Variants in ITGA6 observed in about 807,000 individuals in gnomAD.
The protein encoded by ITGA6 is integrin subunit alpha 6.
In ITGA6, 63 loss-of-function variants were observed where a neutral mutation model predicts 133.6. The ratio of observed to expected loss-of-function variants is 0.47; its 90% CI spans 0.38 to 0.58. The LOEUF (loss-of-function observed/expected upper bound fraction) is 0.58, where lower values mean the gene tolerates loss of function less well. Ranked by LOEUF, ITGA6 falls within the 20% of genes least tolerant of loss-of-function variation. ITGA6 has a pLI of 0.00. For synonymous variants in ITGA6, 434 were observed against 482.0 expected, an observed-to-expected ratio of 0.90 and a Z score of 1.30; for missense variants, 1,068 against 1,309.4, an observed-to-expected ratio of 0.82 and a Z score of 2.85.
rs138443149 is a variant in ITGA6 at position 172,468,763 on chromosome 2, T to A, written c.388-362T>A. Among the ~76,000 whole-genome samples, 524 of 152,320 alleles carry A rather than the reference T, an allele frequency of 3.4e-3. 1 individual carries two copies. Among genetic ancestry groups the A allele is most frequent in the African/African-American group, 0.011 (475 of 41,552 alleles). On this transcript the variant is annotated intron_variant, in intron 3 of 25. Transcript: ENST00000684293. Reference sequence around the variant, plus strand: ...CACTTTCACACTGATGTTCTGAAGGTTTATACAGCCACTAAAAGCCAATTT... The same window carrying A: ...CACTTTCACACTGATGTTCTGAAGGATTATACAGCCACTAAAAGCCAATTT...
In ITGA6 at chr2:172,504,967, C is replaced by T. The variant is rs1559162439; in HGVS notation, c.*899C>T. On this transcript the variant is annotated 3_prime_UTR_variant, in exon 26 of 26. Transcript: ENST00000684293. ...ACAGGCCAAAGAGTCTCCAGTTTACCCTTCAGGTTGGTTTAATCAATCAGA... is the reference window on the plus strand; with the variant it reads ...ACAGGCCAAAGAGTCTCCAGTTTACTCTTCAGGTTGGTTTAATCAATCAGA... The T allele has an allele frequency of 6.6e-6, 1 of 152,374 alleles. No homozygotes were observed. The highest frequency in any genetic ancestry group is 1.5e-5 in the Non-Finnish European group (1 of 67,978). The allele number at this position is 152,374 out of a possible 1,614,324, so 9.4% of individuals were successfully genotyped here.
At chr2:172,437,396 A>C (rs1487335103) in intron 1 of ITGA6, among the ~76,000 whole-genome samples, 2 of 152,216 alleles carry the variant, frequency 1.3e-5, no homozygotes, top group Non-Finnish European at 2.9e-5. Flanking sequence ...ATATGTCTTG[A>C]AAGTAGAGTC....
At chr2:172,439,353 T>G (rs1427189031) in intron 1 of ITGA6, among the ~76,000 whole-genome samples, 2 of 151,886 alleles carry the variant, frequency 1.3e-5, no homozygotes, top group African/African-American at 4.8e-5. Flanking sequence ...ATCAGCACTT[T>G]GGGTTCTAAA....
At chr2:172,455,614 A>G (rs1685176584) in intron 1 of ITGA6, among the ~76,000 whole-genome samples, 1 of 152,218 alleles carries the variant, frequency 6.6e-6, no homozygotes, top group African/African-American at 2.4e-5. Flanking sequence ...AGGAAAACAT[A>G]TATATACTGA....
At chr2:172,451,360 G>T (rs1315628457) in intron 1 of ITGA6, among the ~76,000 whole-genome samples, 1 of 151,588 alleles carries the variant, frequency 6.6e-6, no homozygotes, top group Non-Finnish European at 1.5e-5. Flanking sequence ...AGCTACTCGG[G>T]AGGCTGAGGC....
intron 4 of ITGA6, 59 bp from the exon 5 acceptor site, chr2:172,470,915 T>C (rs1353630843): frequency 2.2e-5 from 35 of 1,575,258 alleles, no homozygotes; most frequent in Non-Finnish European, 3.0e-5. Context: ...TTAGGAACCA[T>C]TTATTTTCTT....
chr2:172,452,267 C>T (rs907137667), intron 1 of ITGA6, among the ~76,000 whole-genome samples: 1 of 152,168 alleles, frequency 6.6e-6, no homozygotes, highest in Non-Finnish European at 1.5e-5. Context: ...GTCCCTATTT[C>T]TGTAAAATTA....
Position 172,469,180 on chromosome 2 carries a change from G to A in ITGA6, c.443G>A (p.Arg148Gln), listed in dbSNP as rs780855662. 11 of 1,614,140 alleles carry A rather than the reference G, an allele frequency of 6.8e-6. No individual in the cohort carries two copies. Among genetic ancestry groups the A allele is most frequent in the East Asian group, 4.5e-5 (2 of 44,886 alleles). Reference protein sequence around the residue: ...RQHVNTKQESRDIFGRCYVLS... With the variant: ...RQHVNTKQESQDIFGRCYVLS... ...CATGTTAATACGAAGCAGGAATCCCGAGACATCTTTGGGCGGTGTTATGTC... is the reference window on the plus strand; with the variant it reads ...CATGTTAATACGAAGCAGGAATCCCAAGACATCTTTGGGCGGTGTTATGTC... The change falls in exon 4 of 26, where the codon CGA becomes CAA. Residue 148 changes from arginine (R) to glutamine (Q), a missense_variant. Arg to Gln is a conservative substitution (Grantham distance 43). Around this residue, in one of 3 missense-constraint regions of ITGA6, gnomAD observed 317 missense variants for 456.9 expected, o/e 0.69. Transcript: ENST00000684293.
intron 1 of ITGA6, among the ~76,000 whole-genome samples, chr2:172,442,512 G>A (rs1684586639): frequency 6.6e-6 from 1 of 152,180 alleles, no homozygotes; most frequent in African/African-American, 2.4e-5. Flanking sequence ...TGCCATGGAT[G>A]TTCATAGGGA....
At chr2:172,502,964 T>C (rs1267456966) in intron 25 of ITGA6, among the ~76,000 whole-genome samples, 1 of 142,038 alleles carries the variant, frequency 7.0e-6, no homozygotes, top group African/African-American at 3.0e-5. Context: ...GGCTTTTTTT[T>C]CTTTTTTTTT....
intron 9 of ITGA6, among the ~76,000 whole-genome samples, chr2:172,478,391 C>T (rs1347610853): frequency 6.6e-6 from 1 of 152,140 alleles, no homozygotes; most frequent in African/African-American, 2.4e-5. Context: ...CTGGGTTTAC[C>T]ACAAGCCCAT....
chr2:172,444,957 T>G (rs1363610348), intron 1 of ITGA6, among the ~76,000 whole-genome samples: 3 of 141,704 alleles, frequency 2.1e-5, no homozygotes. Flanking sequence ...ACTTGATTTC[T>G]GTAGGTTTTG....
intron 1 of ITGA6, among the ~76,000 whole-genome samples, chr2:172,431,116 G>A (rs189952886): frequency 2.0e-5 from 3 of 152,240 alleles, no homozygotes; most frequent in East Asian, 1.9e-4. Context: ...CTCCAGGCCC[G>A]CGGTCTGTTC....
In ITGA6 at chr2:172,451,427, T is replaced by G. The variant is rs572890378; in HGVS notation, c.183-14112T>G. Among the ~76,000 whole-genome samples, 176 of 149,078 alleles carry G rather than the reference T, an allele frequency of 1.2e-3. 1 individual carries two copies. Among genetic ancestry groups the G allele is most frequent in the African/African-American group, 4.3e-3 (172 of 40,082 alleles). ...TTGCAGTGAGCCAAGATCGCACCAC[T>G]GCACTTCAGCCTGGGCAACAGAGCG... On this transcript the variant is annotated intron_variant, in intron 1 of 25. Coordinates refer to ENST00000684293, the MANE Select transcript of ITGA6 (RefSeq NM_000210.4).
intron 3 of ITGA6, among the ~76,000 whole-genome samples, chr2:172,468,420 T>C (rs917690915): frequency 2.0e-5 from 3 of 152,158 alleles, no homozygotes; most frequent in African/African-American, 7.2e-5. Flanking sequence ...TTAGTGAACA[T>C]TGAGTTTTGA....
intron 1 of ITGA6, among the ~76,000 whole-genome samples, chr2:172,458,246 CTTT>C (rs72218248): frequency 7.0e-6 from 1 of 143,658 alleles, no homozygotes; most frequent in African/African-American, 2.6e-5. Context: ...ATAATGAATT[CTTT>C]TTTTTTTTTT....
rs1369911908 is a variant in ITGA6 at position 172,484,923 on chromosome 2, A to G, written c.1691A>G (p.Glu564Gly). ...AGGCAGAAACAGAAAGTGTGCATGG[A>G]GGAAACCCTGTGGCTACAGGTGAGG... is the stretch of plus-strand genomic sequence containing the variant. ...LKRQKQKVCM[E>G]ETLWLQDNIR... Residue 564 changes from glutamate (E) to glycine (G), a missense_variant, in exon 12 of 26, where the codon GAG becomes GGG. By Grantham distance (98) the Glu-to-Gly change is moderately conservative. This residue lies in a region of ITGA6 where 609 missense variants were observed against 707.2 expected (regional missense o/e 0.86). Coordinates refer to ENST00000684293, the MANE Select transcript of ITGA6 (RefSeq NM_000210.4). 6.2e-7 allele frequency: 1 copy of G among 1,614,206 alleles called. No individual in the cohort carries two copies. The highest frequency in any genetic ancestry group is 8.5e-7 in the Non-Finnish European group (1 of 1,180,014).
chr2:172,474,811 A>G lies in ITGA6; in HGVS notation c.987-118A>G, dbSNP rs1686094954. ...TTTTAAAAAATGTTATAATTGAGTCATAAATTCTGGAGTTGAGGGCCTTTC... is the reference window on the plus strand; with the variant it reads ...TTTTAAAAAATGTTATAATTGAGTCGTAAATTCTGGAGTTGAGGGCCTTTC... On this transcript the variant is annotated intron_variant, in intron 6 of 25. Coordinates refer to ENST00000684293, the MANE Select transcript of ITGA6 (RefSeq NM_000210.4). 5.5e-6 allele frequency: 4 copies of G among 724,350 alleles called. No homozygotes were observed. The South Asian group carries it at 5.9e-5, about 11-fold the overall frequency. 44.9% of individuals were successfully genotyped at this position (724,350 alleles called of 1,614,324 possible).
chr2:172,475,510 A>G, intron 7 of ITGA6, 87 bp from the exon 8 acceptor site: 1 of 835,840 alleles, frequency 1.2e-6, no homozygotes, highest in Non-Finnish European at 2.1e-6. Flanking sequence ...AATAAATAAT[A>G]GTGCTTGTGT....
Sources: allele counts gnomAD v4.1 joint callset (sites outside exome capture counted in the v4.1 genomes callset), GRCh38; gene constraint gnomAD v4.1.1; regional missense constraint gnomAD v4.1.1; transcripts MANE v1.5; gene names NCBI Gene and HGNC (gene_info 2026-07-23, HGNC 2026-07-21).